Variants in STK3 observed in about 807,000 individuals in gnomAD.
The protein encoded by STK3 is serine/threonine kinase 3.
In STK3, 41 loss-of-function variants were observed where a neutral mutation model predicts 58.0. That is an observed-to-expected ratio of 0.71 (90% CI 0.55 to 0.92). The LOEUF (loss-of-function observed/expected upper bound fraction) is 0.92. Among genes scored for constraint, STK3 ranks in the 40% least tolerant of loss-of-function variants. The pLI is 0.00. For missense variants in STK3, 479 were observed against 602.7 expected (o/e 0.79, Z 2.15); for synonymous variants, 170 against 191.0 (o/e 0.89, Z 0.91).
intron 1 of STK3, among the ~76,000 whole-genome samples, chr8:98,886,044 G>A (rs1837976345): frequency 6.6e-6 from 1 of 152,202 alleles, no homozygotes; most frequent in African/African-American, 2.4e-5. Flanking sequence ...ATTTCCAGAG[G>A]TTGGGAGTGA....
intron 1 of STK3, chr8:98,779,011 C>T (rs1236031485): frequency 6.6e-6 from 1 of 151,342 alleles, no homozygotes; most frequent in African/African-American, 2.4e-5. Context: ...GCACATGTAC[C>T]CTAAAACTTA....
At chr8:98,636,515 T>C (rs1819630535) in intron 6 of STK3, among the ~76,000 whole-genome samples, 1 of 152,122 alleles carries the variant, frequency 6.6e-6, no homozygotes, top group South Asian at 2.1e-4. Context: ...TGGAATCCAG[T>C]GGAAAAACCA....
At chr8:98,410,820 G>A (rs544602727) in intron 3 of STK3, among the ~76,000 whole-genome samples, 132 of 152,194 alleles carry the variant, frequency 8.7e-4, no homozygotes, top group Non-Finnish European at 1.4e-3. Context: ...GGTGCTAACA[G>A]AGAGAAGAAA....
intron 6 of STK3, among the ~76,000 whole-genome samples, chr8:98,606,643 T>C (rs371818924): frequency 5.3e-5 from 8 of 152,354 alleles, no homozygotes; most frequent in African/African-American, 1.9e-4. Flanking sequence ...CAATCATTAC[T>C]ACTTAATGAA....
chr8:98,737,553 C>T (rs1828708452), intron 4 of STK3, among the ~76,000 whole-genome samples: 1 of 152,146 alleles, frequency 6.6e-6, no homozygotes, highest in South Asian at 2.1e-4. Context: ...ACGGTAAAAA[C>T]TGCTATGGTG....
chr8:98,919,918 G>T (rs1303308009), intron 1 of STK3, among the ~76,000 whole-genome samples: 1 of 152,192 alleles, frequency 6.6e-6, no homozygotes, highest in Non-Finnish European at 1.5e-5. Context: ...GGAGGAAGGA[G>T]CCTTTTGTCC....
At chr8:98,598,006 C>T (rs1815980163) in intron 6 of STK3, 1 of 985,210 alleles carries the variant, frequency 1.0e-6, no homozygotes, top group Non-Finnish European at 1.2e-6. Flanking sequence ...ACAAAACCAC[C>T]TGCTACTTCC....
At chr8:98,496,871 G>A (rs1823173182) in intron 10 of STK3, among the ~76,000 whole-genome samples, 1 of 152,044 alleles carries the variant, frequency 6.6e-6, no homozygotes, top group Non-Finnish European at 1.5e-5. Context: ...AGATGAAAAA[G>A]TTCTGGAGAT....
chr8:98,511,046 T>C (rs960146365), intron 10 of STK3, among the ~76,000 whole-genome samples: 3 of 152,088 alleles, frequency 2.0e-5, no homozygotes, highest in Non-Finnish European at 1.5e-5. Context: ...TAAATATTAA[T>C]TTATACTTAA....
At chr8:98,870,024 G>A (rs1837311013) in intron 3 of STK3, among the ~76,000 whole-genome samples, 1 of 151,976 alleles carries the variant, frequency 6.6e-6, no homozygotes, top group South Asian at 2.1e-4. Context: ...GCCCTAGTGT[G>A]TGATGTTCCC....
rs376145733 is a variant in STK3 at position 98,817,887 on chromosome 8, A to ACTGCTTAAAATC, written c.26+7627_26+7628insGATTTTAAGCAG. Among the ~76,000 whole-genome samples, 1,315 of 152,256 alleles carry ACTGCTTAAAATC rather than the reference A, an allele frequency of 8.6e-3. 12 individuals are homozygous for ACTGCTTAAAATC. Among genetic ancestry groups the ACTGCTTAAAATC allele is most frequent in the African/African-American group, 0.03 (1,238 of 41,534 alleles). ...CCAAAAGGATGTTTTAAAAACATAA[A>ACTGCTTAAAATC]CTGCTTAAAAACCTTTAATGACAGC... On this transcript the variant is annotated intron_variant, in intron 1 of 10. Transcript: ENST00000419617.
downstream of STK3, among the ~76,000 whole-genome samples, chr8:98,369,916 G>A (rs932254058): frequency 6.6e-6 from 1 of 152,036 alleles, no homozygotes; most frequent in Admixed American, 6.6e-5. Flanking sequence ...ATGGTGTGGG[G>A]ATGGGGTGAG....
chr8:98,420,969 A>G (rs1419439643), intron 3 of STK3, among the ~76,000 whole-genome samples: 1 of 152,208 alleles, frequency 6.6e-6, no homozygotes, highest in East Asian at 1.9e-4. Flanking sequence ...GTTTCACCCA[A>G]GGATTCATGG....
At chr8:98,840,018 T>C (rs1034489187) in intron 3 of STK3, among the ~76,000 whole-genome samples, 2 of 151,804 alleles carry the variant, frequency 1.3e-5, no homozygotes, top group South Asian at 2.1e-4. Context: ...GCTTAGTAAA[T>C]GGAAATTATT....
chr8:98,560,400 T>C (rs1016104312), intron 8 of STK3, among the ~76,000 whole-genome samples: 7 of 151,990 alleles, frequency 4.6e-5, no homozygotes, highest in Admixed American at 3.9e-4. Context: ...CAAAAGTCAA[T>C]TGCTTTCTTA....
intron 10 of STK3, among the ~76,000 whole-genome samples, chr8:98,521,676 T>C (rs776306568): frequency 5.9e-5 from 9 of 152,134 alleles, no homozygotes; most frequent in Non-Finnish European, 1.3e-4. Context: ...TTCCATTTTA[T>C]CTCTCGTATT....
chr8:98,865,817 A>G (rs1174237175), intron 3 of STK3, among the ~76,000 whole-genome samples: 2 of 152,236 alleles, frequency 1.3e-5, no homozygotes, highest in African/African-American at 4.8e-5. Context: ...GTGGAGTATC[A>G]AAGCCCCGTT....
chr8:98,592,611 G>C (rs1164990458), intron 7 of STK3, among the ~76,000 whole-genome samples: 1 of 151,730 alleles, frequency 6.6e-6, no homozygotes, highest in African/African-American at 2.4e-5. Flanking sequence ...CTTTCTTATT[G>C]CTCTACACTC....
chr8:98,618,300 G>C (rs984898024), intron 6 of STK3, among the ~76,000 whole-genome samples: 7 of 147,356 alleles, frequency 4.8e-5, no homozygotes, highest in African/African-American at 7.5e-5. Context: ...ATTAGGTATT[G>C]ATGGGACGTA....
Sources: gnomAD v4.1 joint callset for allele counts (sites outside exome capture counted in the v4.1 genomes callset) on GRCh38, gnomAD v4.1.1 for gene constraint, MANE v1.5 for transcripts, NCBI Gene and HGNC (gene_info 2026-07-23, HGNC 2026-07-21) for gene names.